The following FYB1 variants were observed in gnomAD, a reference collection of about 807,000 sequenced individuals.
FYB1 encodes FYN binding protein 1, also known as FYN-binding protein 1.
Under a neutral mutation model 94.1 loss-of-function variants are expected in FYB1, and 41 were observed. The ratio of observed to expected loss-of-function variants is 0.44; its 90% CI spans 0.34 to 0.57. The LOEUF is 0.57. Among genes scored for constraint, FYB1 ranks in the 20% least tolerant of loss-of-function variants. The pLI is 0.02. For missense variants in FYB1, 1,050 were observed against 976.8 expected (o/e 1.07, Z -1.00); for synonymous variants, 367 against 353.2 (o/e 1.04, Z -0.44).
upstream of FYB1, among the ~76,000 whole-genome samples, chr5:39,222,433 A>T (rs1369177584): frequency 1.3e-5 from 2 of 152,166 alleles, no homozygotes; most frequent in African/African-American, 4.8e-5. Context: ...CTCTTTTTTA[A>T]TGCATTTGTC....
chr5:39,199,424 C>A lies in FYB1; in HGVS notation c.1135+2402G>T, dbSNP rs185814596. Among the ~76,000 whole-genome samples, 127 of 152,158 alleles carry A rather than the reference C, an allele frequency of 8.3e-4. 2 individuals are homozygous for A. The East Asian group carries it at 0.019, about 23-fold the overall frequency. ...AAATGCTTACTTTATGACACATACACGAGTTTATTTTCTGCAGTATTGTTG... is the reference window on the plus strand; with the variant it reads ...AAATGCTTACTTTATGACACATACAAGAGTTTATTTTCTGCAGTATTGTTG... On this transcript the variant is annotated intron_variant, in intron 2 of 18. Transcript: ENST00000512982.
chr5:39,112,362 A>T (rs1005406779), intron 16 of FYB1, among the ~76,000 whole-genome samples: 3 of 152,192 alleles, frequency 2.0e-5, no homozygotes, highest in Admixed American at 2.0e-4. Context: ...TTAATAATTT[A>T]AAAATAATGA....
intron 2 of FYB1, chr5:39,169,719 G>C (rs1487042732): frequency 2.1e-6 from 1 of 468,962 alleles, no homozygotes; most frequent in East Asian, 5.3e-5. Context: ...TCGAAGGTTA[G>C]ATAGTTCATG....
intron 2 of FYB1, among the ~76,000 whole-genome samples, chr5:39,182,006 C>G (rs1351225879): frequency 1.3e-5 from 2 of 152,100 alleles, no homozygotes; most frequent in African/African-American, 4.8e-5. Flanking sequence ...TCTTGTGTAG[C>G]TGAAATCATG....
intron 1 of FYB1, among the ~76,000 whole-genome samples, chr5:39,218,581 G>A (rs1750058789): frequency 1.3e-5 from 2 of 152,128 alleles, no homozygotes; most frequent in Non-Finnish European, 2.9e-5. Flanking sequence ...CTCAAAAAGT[G>A]TATATAGTTT....
chr5:39,201,844 T>C lies in FYB1; in HGVS notation c.1117A>G (p.Lys373Glu), dbSNP rs369776115. ...AACTCACTGTTTCCAGAAGAGGTTT[T>C]GTGGAATTTCGTCAGGTCAACATTT... Reference protein sequence around the residue: ...PPNVDLTKFHKTSSGNSTSKG... With the variant: ...PPNVDLTKFHETSSGNSTSKG... The change falls in exon 2 of 19, where the codon AAA becomes GAA. Residue 373 changes from lysine to glutamate, a missense_variant. Lys to Glu is a moderately conservative substitution (Grantham distance 56). Transcript: ENST00000512982. 6.2e-5 allele frequency: 100 copies of C among 1,612,460 alleles called. No individual in the cohort carries two copies. Among genetic ancestry groups the C allele is most frequent in the Non-Finnish European group, 7.7e-5 (91 of 1,178,936 alleles).
intron 1 of FYB1, chr5:39,270,779 G>C (rs2111775177): frequency 2.2e-6 from 1 of 451,726 alleles, no homozygotes; most frequent in Admixed American, 3.9e-5. Context: ...GGTTTATCTT[G>C]TTATTATTTT....
intron 7 of FYB1, among the ~76,000 whole-genome samples, chr5:39,136,358 C>T (rs1194825935): frequency 6.6e-6 from 1 of 152,072 alleles, no homozygotes; most frequent in East Asian, 1.9e-4. Flanking sequence ...CCTGAGCCAC[C>T]ACGCCTGGCC....
chr5:39,118,786 AAC>A lies in FYB1; in HGVS notation c.2401+86_2401+87del, dbSNP rs577755287. 184 of 797,294 alleles carry A rather than the reference AAC, an allele frequency of 2.3e-4. No homozygotes were observed. In the African/African-American group the frequency reaches 3.0e-3, roughly 13 times the overall value. 49.4% of individuals were successfully genotyped at this position (797,294 alleles called of 1,614,324 possible). A position where few individuals can be genotyped will look rare whatever the true frequency, so the allele number is the denominator to read the frequency against. On this transcript the variant is annotated intron_variant, in intron 16 of 18. Transcript: ENST00000512982. ...GCAAAAAGATAGATAAGAGTTAGTAAACACAGAGTAGTCACTAAAACTTGTTT... is the reference window on the plus strand; with the variant it reads ...GCAAAAAGATAGATAAGAGTTAGTAAACAGAGTAGTCACTAAAACTTGTTT...
Position 39,252,845 on chromosome 5 carries a change from T to C in FYB1, c.-28+21558A>G, listed in dbSNP as rs144977197. 6.5e-3 allele frequency among the ~76,000 whole-genome samples: 991 copies of C among 152,304 alleles called. 15 individuals are homozygous for C. Among genetic ancestry groups the C allele is most frequent in the African/African-American group, 0.023 (954 of 41,566 alleles). ...CCCACTGGTTTCCAGATTCATGAAA[T>C]GGAGTAAAAGTAGTACCTCATCCAG... On this transcript the variant is annotated intron_variant, in intron 1 of 1. Coordinates refer to the FYB1 transcript ENST00000510188.
At chr5:39,212,441 A>G (rs986024283) in intron 1 of FYB1, among the ~76,000 whole-genome samples, 2 of 152,226 alleles carry the variant, frequency 1.3e-5, no homozygotes, top group African/African-American at 4.8e-5. Context: ...ACAAAGAGAA[A>G]TAGATAATAT....
At chr5:39,211,735 G>T (rs1749412881) in intron 1 of FYB1, among the ~76,000 whole-genome samples, 1 of 152,196 alleles carries the variant, frequency 6.6e-6, no homozygotes, top group Admixed American at 6.5e-5. Flanking sequence ...GCGAAAAATA[G>T]AAATGTTATG....
intron 1 of FYB1, among the ~76,000 whole-genome samples, chr5:39,257,797 T>C (rs1179222138): frequency 2.0e-5 from 3 of 149,418 alleles, no homozygotes; most frequent in African/African-American, 7.4e-5. Flanking sequence ...GTTTCAATCA[T>C]TTGGAGACTA....
intron 1 of FYB1, among the ~76,000 whole-genome samples, chr5:39,250,397 G>A (rs4957164): frequency 0.32 from 48,870 of 151,998 alleles, 9,538 homozygotes; most frequent in African/African-American, 0.55. Flanking sequence ...TGCAGAAATC[G>A]AGGAAAGACT....
chr5:39,148,192 TA>T (rs1179829908), intron 3 of FYB1, among the ~76,000 whole-genome samples: 3 of 84,248 alleles, frequency 3.6e-5, no homozygotes, highest in Non-Finnish European at 6.6e-5. Flanking sequence ...TATATATATA[TA>T]TATATATATA....
chr5:39,218,367 T>G (rs1407306549), intron 1 of FYB1, among the ~76,000 whole-genome samples: 1 of 152,156 alleles, frequency 6.6e-6, no homozygotes, highest in African/African-American at 2.4e-5. Context: ...TATCGGACTA[T>G]TTGAAGTGTG....
At chr5:39,162,336 C>T (rs1205891573) in intron 2 of FYB1, among the ~76,000 whole-genome samples, 2 of 152,042 alleles carry the variant, frequency 1.3e-5, no homozygotes, top group Non-Finnish European at 2.9e-5. Context: ...CATAAATGTA[C>T]CTGTAGGATA....
intron 1 of FYB1, among the ~76,000 whole-genome samples, chr5:39,255,127 T>G (rs1437593478): frequency 1.3e-5 from 2 of 152,104 alleles, no homozygotes; most frequent in Non-Finnish European, 2.9e-5. Context: ...GAGGAGAAAA[T>G]CATGGAGCTA....
At chr5:39,259,973 T>C (rs1752144936) in intron 1 of FYB1, among the ~76,000 whole-genome samples, 1 of 152,152 alleles carries the variant, frequency 6.6e-6, no homozygotes, top group Admixed American at 6.5e-5. Context: ...ACTAGGACAG[T>C]TGGTGACTCA....
Sources: allele counts gnomAD v4.1 joint callset (sites outside exome capture counted in the v4.1 genomes callset), GRCh38; gene constraint gnomAD v4.1.1; transcripts MANE v1.5; gene names NCBI Gene and HGNC (gene_info 2026-07-23, HGNC 2026-07-21).